Variants in POF1B observed in about 807,000 individuals in gnomAD.
POF1B encodes the protein POF1B actin binding protein.
A neutral mutation model predicts 55.3 loss-of-function variants in POF1B; 53 were observed. That is an observed-to-expected ratio of 0.96 (90% CI 0.77 to 1.20). POF1B has a LOEUF of 1.20. Ranked by LOEUF, POF1B falls within the 50% of genes most tolerant of loss-of-function variation. The pLI is 0.00. For synonymous variants in POF1B, 188 were observed against 148.3 expected, an observed-to-expected ratio of 1.27 and a Z score of -1.95; for missense variants, 478 against 420.5, an observed-to-expected ratio of 1.14 and a Z score of -1.20.
chrX:85,299,362 C>G (rs1399794992), intron 15 of POF1B, among the ~76,000 whole-genome samples: 18 of 103,968 alleles, frequency 1.7e-4, no homozygotes, highest in African/African-American at 6.0e-4. Flanking sequence ...GATCTCGGCT[C>G]ACTGCAAGCT....
chrX:85,333,127 C>G (rs1933008058), intron 6 of POF1B, among the ~76,000 whole-genome samples: 1 of 110,446 alleles, frequency 9.1e-6, no homozygotes, highest in Non-Finnish European at 1.9e-5. Context: ...GTAGATTTCA[C>G]TCTTTGGGGC....
chrX:85,322,354 T>C (rs1265048209), intron 7 of POF1B, among the ~76,000 whole-genome samples: 7 of 111,386 alleles, frequency 6.3e-5, no homozygotes, highest in African/African-American at 2.3e-4. Flanking sequence ...AAGGATTCCC[T>C]ATTTAATAAA....
chrX:85,284,387 G>A (rs1394513525), intron 15 of POF1B, among the ~76,000 whole-genome samples: 5 of 111,467 alleles, frequency 4.5e-5, no homozygotes, highest in East Asian at 2.8e-4. Context: ...GAGGCATCAC[G>A]CTACCTGACT....
At chrX:85,303,546 A>G in intron 14 of POF1B, 58 bp from the exon 15 acceptor site, 1 of 805,060 alleles carries the variant, frequency 1.2e-6, no homozygotes, top group Non-Finnish European at 1.8e-6. Context: ...GAGATAATAA[A>G]TATATTTAAT....
At chrX:85,332,400 C>T (rs1411429319) in intron 6 of POF1B, among the ~76,000 whole-genome samples, 1 of 110,782 alleles carries the variant, frequency 9.0e-6, no homozygotes, top group African/African-American at 3.3e-5. Flanking sequence ...CTGTTGGCTT[C>T]CTATTCTTGG....
chrX:85,365,217 T>C (rs1185549348), intron 3 of POF1B, among the ~76,000 whole-genome samples: 2 of 112,145 alleles, frequency 1.8e-5, no homozygotes, highest in African/African-American at 6.5e-5. Context: ...ATCTCAATGA[T>C]CTTTATTTCT....
chrX:85,285,101 C>T (rs1047838620), intron 15 of POF1B, among the ~76,000 whole-genome samples: 5 of 111,180 alleles, frequency 4.5e-5, no homozygotes, highest in Non-Finnish European at 7.6e-5. Flanking sequence ...ATTAAAACCA[C>T]AGTGATCTCA....
At chrX:85,321,835 C>T (rs1381485566) in intron 7 of POF1B, among the ~76,000 whole-genome samples, 1 of 107,882 alleles carries the variant, frequency 9.3e-6, no homozygotes, top group East Asian at 2.9e-4. Flanking sequence ...AGTGAACTCC[C>T]ATTCACAATT....
At chrX:85,372,787 A>ATATATATATATATATATATAT (rs1933854535) in intron 2 of POF1B, among the ~76,000 whole-genome samples, 1 of 103,096 alleles carries the variant, frequency 9.7e-6, no homozygotes, top group African/African-American at 3.5e-5. Flanking sequence ...ATATATATAT[A>ATATATATATATATATATATAT]CTTTAAGTTC....
chrX:85,370,445 T>A (rs1385138506), intron 2 of POF1B, among the ~76,000 whole-genome samples: 1 of 111,668 alleles, frequency 9.0e-6, no homozygotes, highest in Non-Finnish European at 1.9e-5. Flanking sequence ...ATATAATAGG[T>A]TCAAAAATTA....
chrX:85,361,549 A>G (rs1933619360), intron 3 of POF1B, among the ~76,000 whole-genome samples: 1 of 110,460 alleles, frequency 9.1e-6, no homozygotes, highest in Non-Finnish European at 1.9e-5. Context: ...TGCGCTCTCT[A>G]TTCTGTTCCC....
At chrX:85,351,223 T>A (rs1406275560) in intron 5 of POF1B, 127 bp downstream of exon 5, 1 of 417,333 alleles carries the variant, frequency 2.4e-6, no homozygotes. Context: ...GCTGTAGATA[T>A]CATAGCATAT....
intron 15 of POF1B, among the ~76,000 whole-genome samples, chrX:85,290,991 G>C (rs1932173090): frequency 9.0e-6 from 1 of 111,500 alleles, no homozygotes; most frequent in African/African-American, 3.3e-5. Context: ...TTGACATCTT[G>C]GTCATTAAAT....
intron 15 of POF1B, among the ~76,000 whole-genome samples, chrX:85,297,675 T>TG (rs200908977): frequency 0.13 from 14,437 of 111,422 alleles, 708 homozygotes; most frequent in South Asian, 0.17. Flanking sequence ...TGGTACTCTG[T>TG]GGGGACCAGG....
Position 85,330,283 on chromosome X carries a change from T to C in POF1B, c.854+666A>G, listed in dbSNP as rs183299838. On this transcript the variant is annotated intron_variant, in intron 7 of 16. Transcript: ENST00000262753. Reference sequence around the variant, plus strand: ...ATTGTGTTATATAAAATTATGTTTATGTTTATATCTATTGGTATATTTTTA... The same window carrying C: ...ATTGTGTTATATAAAATTATGTTTACGTTTATATCTATTGGTATATTTTTA... 1.3e-3 allele frequency among the ~76,000 whole-genome samples: 144 copies of C among 110,704 alleles called. 1 individual carries two copies. Among genetic ancestry groups the C allele is most frequent in the African/African-American group, 4.5e-3 (137 of 30,677 alleles).
chrX:85,351,240 T>C, intron 5 of POF1B, 110 bp downstream of exon 5: 1 of 455,176 alleles, frequency 2.2e-6, no homozygotes, highest in Non-Finnish European at 3.7e-6. Flanking sequence ...ATATTATAAC[T>C]CATGGTGGTC....
chrX:85,308,040 A>G (rs905013168), intron 10 of POF1B, 84 bp downstream of exon 10: 124 of 542,336 alleles, frequency 2.3e-4, no homozygotes, highest in Non-Finnish European at 3.3e-4. Flanking sequence ...ATTAAATTTT[A>G]AAAACATATA....
intron 15 of POF1B, among the ~76,000 whole-genome samples, chrX:85,283,557 A>T (rs964585436): frequency 1.5e-4 from 17 of 111,177 alleles, no homozygotes; most frequent in African/African-American, 5.2e-4. Flanking sequence ...ATGCAGCATG[A>T]AATAACTGTG....
At chrX:85,326,422 G>T (rs1344512798) in intron 7 of POF1B, among the ~76,000 whole-genome samples, 5 of 110,348 alleles carry the variant, frequency 4.5e-5, no homozygotes. Context: ...ACTGCTGGGG[G>T]GTGGGGGCGG....
Sources: gnomAD v4.1 joint callset for allele counts (sites outside exome capture counted in the v4.1 genomes callset) on GRCh38, gnomAD v4.1.1 for gene constraint, MANE v1.5 for transcripts, NCBI Gene and HGNC (gene_info 2026-07-23, HGNC 2026-07-21) for gene names.